ARHGAP26: variants seen among roughly 807,000 people sequenced by gnomAD.
ARHGAP26 encodes the protein rho GTPase-activating protein 26.
In ARHGAP26, 38 loss-of-function variants were observed where a neutral mutation model predicts 104.8. The ratio of observed to expected loss-of-function variants is 0.36; its 90% CI spans 0.28 to 0.48. The LOEUF (loss-of-function observed/expected upper bound fraction) is 0.48. ARHGAP26 is among the 20% of genes least tolerant of loss of function. ARHGAP26 has a pLI of 0.99. For synonymous variants in ARHGAP26, 341 were observed against 340.0 expected (o/e 1.00, Z -0.03); for missense variants, 704 against 947.9 (o/e 0.74, Z 3.38).
intron 21 of ARHGAP26, among the ~76,000 whole-genome samples, chr5:143,212,135 C>T (rs964231279): frequency 2.0e-5 from 3 of 152,140 alleles, no homozygotes; most frequent in Non-Finnish European, 4.4e-5. Context: ...TCCCTGGTCT[C>T]TTTGCTTTTT....
intron 11 of ARHGAP26, among the ~76,000 whole-genome samples, chr5:142,976,541 A>G (rs141106396): frequency 6.6e-6 from 1 of 152,368 alleles, no homozygotes; most frequent in African/African-American, 2.4e-5. Flanking sequence ...TTTAACATCC[A>G]TACATAATAG....
chr5:142,780,786 G>A (rs1379808364), intron 1 of ARHGAP26, among the ~76,000 whole-genome samples: 7 of 152,144 alleles, frequency 4.6e-5, no homozygotes, highest in Admixed American at 6.5e-5. Context: ...TTCTGTGACC[G>A]GAGACCGTGA....
chr5:143,165,946 CT>C (rs1056133320), intron 20 of ARHGAP26: 1 of 1,038,854 alleles, frequency 9.6e-7, no homozygotes, highest in Non-Finnish European at 1.3e-6. Context: ...ATGTAGAGCA[CT>C]TTGCATGGCT....
chr5:142,839,528 A>T (rs898870997), intron 1 of ARHGAP26, among the ~76,000 whole-genome samples: 2 of 152,168 alleles, frequency 1.3e-5, no homozygotes, highest in Non-Finnish European at 2.9e-5. Flanking sequence ...TTCAATAAAT[A>T]TTGAAAGTTA....
chr5:143,068,995 C>T (rs1340060143), intron 17 of ARHGAP26, among the ~76,000 whole-genome samples: 1 of 152,174 alleles, frequency 6.6e-6, no homozygotes, highest in African/African-American at 2.4e-5. Context: ...ACACCATACT[C>T]TCCTGGTTTT....
At chr5:142,942,532 C>T (rs1213277007) in intron 11 of ARHGAP26, among the ~76,000 whole-genome samples, 1 of 152,098 alleles carries the variant, frequency 6.6e-6, no homozygotes, top group African/African-American at 2.4e-5. Context: ...GGTGTGTTGC[C>T]TGCATTCATA....
intron 1 of ARHGAP26, among the ~76,000 whole-genome samples, chr5:142,812,933 T>C (rs559369212): frequency 4.8e-5 from 7 of 146,422 alleles, no homozygotes; most frequent in Admixed American, 4.1e-4. Context: ...TTTTCTTTTT[T>C]TTTCTTTCTT....
chr5:142,827,251 C>CCCT (rs1767477584), intron 1 of ARHGAP26, among the ~76,000 whole-genome samples: 1 of 152,060 alleles, frequency 6.6e-6, no homozygotes, highest in Non-Finnish European at 1.5e-5. Context: ...TGTGGCATGG[C>CCCT]CCTGTGTCCT....
chr5:143,085,710 C>T (rs1790499476), intron 17 of ARHGAP26, among the ~76,000 whole-genome samples: 1 of 152,142 alleles, frequency 6.6e-6, no homozygotes, highest in Non-Finnish European at 1.5e-5. Context: ...TCAGTTAAAC[C>T]AAGTGTTTAT....
intron 17 of ARHGAP26, among the ~76,000 whole-genome samples, chr5:143,060,923 AAAG>A (rs1444233049): frequency 2.7e-5 from 4 of 150,486 alleles, no homozygotes; most frequent in African/African-American, 7.5e-5. Context: ...TTAGAATTAG[AAAG>A]AAGAAGCTCA....
intron 5 of ARHGAP26, 52 bp downstream of exon 5, chr5:142,885,451 CTGTGGA>C: frequency 1.3e-6 from 2 of 1,489,296 alleles, no homozygotes; most frequent in Non-Finnish European, 1.9e-6. Context: ...GTACATGATG[CTGTGGA>C]TATGTGCTGG....
At chr5:142,787,379 C>T (rs755167200) in intron 1 of ARHGAP26, among the ~76,000 whole-genome samples, 6 of 152,164 alleles carry the variant, frequency 3.9e-5, no homozygotes, top group East Asian at 3.9e-4. Flanking sequence ...GAAATAATTA[C>T]GTATTTTTAA....
At chr5:143,092,916 T>C (rs1251131878) in intron 17 of ARHGAP26, among the ~76,000 whole-genome samples, 2 of 152,218 alleles carry the variant, frequency 1.3e-5, no homozygotes, top group African/African-American at 4.8e-5. Flanking sequence ...ACTTACTGAA[T>C]ACCCACTGTG....
intron 13 of ARHGAP26, among the ~76,000 whole-genome samples, chr5:143,040,588 A>G (rs765493360): frequency 1.3e-5 from 2 of 152,176 alleles, no homozygotes; most frequent in African/African-American, 4.8e-5. Flanking sequence ...CAAATAACAA[A>G]CATAATTTCA....
chr5:142,787,439 A>G (rs958182910), intron 1 of ARHGAP26, among the ~76,000 whole-genome samples: 1 of 152,238 alleles, frequency 6.6e-6, no homozygotes, highest in Non-Finnish European at 1.5e-5. Flanking sequence ...GAAACTGGGT[A>G]TGAGATCTGA....
At chr5:143,068,395 C>A (rs1787810840) in intron 17 of ARHGAP26, among the ~76,000 whole-genome samples, 1 of 152,076 alleles carries the variant, frequency 6.6e-6, no homozygotes, top group African/African-American at 2.4e-5. Flanking sequence ...AAGAGAACTT[C>A]TGCAAGCTAC....
chr5:143,041,493 A>G (rs1783458299), intron 13 of ARHGAP26: 1 of 204,142 alleles, frequency 4.9e-6, no homozygotes, highest in South Asian at 1.9e-4. Flanking sequence ...TAAATATGAC[A>G]TATTTAAAAG....
intron 17 of ARHGAP26, among the ~76,000 whole-genome samples, chr5:143,105,695 C>T (rs1012687371): frequency 1.3e-5 from 2 of 152,168 alleles, no homozygotes; most frequent in African/African-American, 4.8e-5. Flanking sequence ...CATCTGTCTG[C>T]ATGTCTGAAA....
intron 22 of ARHGAP26, among the ~76,000 whole-genome samples, chr5:143,221,424 C>CAAAA (rs56114785): frequency 8.4e-5 from 7 of 83,620 alleles, no homozygotes; most frequent in African/African-American, 2.1e-4. Flanking sequence ...TGACAGCAAC[C>CAAAA]AAAAAAAAAA....
Sources: gnomAD v4.1 joint callset for allele counts (sites outside exome capture counted in the v4.1 genomes callset) on GRCh38, gnomAD v4.1.1 for gene constraint, MANE v1.5 for transcripts, NCBI Gene and HGNC (gene_info 2026-07-23, HGNC 2026-07-21) for gene names.